RPS6KA5: variants seen among roughly 807,000 people sequenced by gnomAD.
RPS6KA5 encodes the protein ribosomal protein S6 kinase A5.
Under a neutral mutation model 85.5 loss-of-function variants are expected in RPS6KA5, and 27 were observed. The observed-to-expected ratio is 0.32, with a 90% CI of 0.23 to 0.44. RPS6KA5 has a LOEUF of 0.44. Among genes scored for constraint, RPS6KA5 ranks in the 20% least tolerant of loss-of-function variants. The pLI is 1.00. For synonymous variants in RPS6KA5, 334 were observed against 348.2 expected, an observed-to-expected ratio of 0.96 and a Z score of 0.46; for missense variants, 811 against 980.9, an observed-to-expected ratio of 0.83 and a Z score of 2.31.
At chr14:91,005,705 T>C (rs767213134) in intron 1 of RPS6KA5, among the ~76,000 whole-genome samples, 5 of 152,258 alleles carry the variant, frequency 3.3e-5, no homozygotes, top group Non-Finnish European at 7.3e-5. Flanking sequence ...TTAAAGCTTT[T>C]GTGCATGAAA....
intron 1 of RPS6KA5, chr14:91,052,465 T>TA (rs71120103): frequency 0.011 from 1,405 of 132,456 alleles, 5 homozygotes; most frequent in South Asian, 0.031. Context: ...ACTCGTCTCT[T>TA]AAAAAAAAAA....
At chr14:90,948,965 AC>A (rs1052144525) in intron 3 of RPS6KA5, among the ~76,000 whole-genome samples, 1 of 152,256 alleles carries the variant, frequency 6.6e-6, no homozygotes, top group Non-Finnish European at 1.5e-5. Context: ...AAAAGCAGAT[AC>A]AACAGAATTA....
At chr14:90,917,133 CCA>C (rs1178602157) in intron 7 of RPS6KA5, among the ~76,000 whole-genome samples, 1 of 152,028 alleles carries the variant, frequency 6.6e-6, no homozygotes, top group African/African-American at 2.4e-5. Flanking sequence ...AGGACGGTGG[CCA>C]CAGTTTCCTA....
intron 1 of RPS6KA5, among the ~76,000 whole-genome samples, chr14:91,003,160 G>C (rs941860850): frequency 6.6e-6 from 1 of 151,626 alleles, no homozygotes; most frequent in African/African-American, 2.4e-5. Context: ...ATTACTCCTG[G>C]TTCTTACTAT....
rs1391275040 is a variant in RPS6KA5 at position 90,872,134 on chromosome 14, G to C, written c.2349C>G (p.Ser783Arg). ...KTTPTKTLQP[S>R]NPADSNNPET... ...CCGGGTTATTGCTGTCGGCAGGATT[G>C]CTGGGCTGCAGTGTCTTGGTGGGTG... is the stretch of plus-strand genomic sequence containing the variant. Residue 783 changes from serine (S) to arginine (R), a missense_variant, in exon 17 of 17, where the codon AGC (serine) becomes AGG (arginine). This residue lies in a region of RPS6KA5 where 650 missense variants were observed against 793.4 expected (regional missense o/e 0.82). Transcript: ENST00000614987. The C allele has an allele frequency of 2.5e-6, 4 of 1,613,856 alleles. No individual in the cohort carries two copies. The highest frequency in any genetic ancestry group is 2.7e-5 in the African/African-American group (2 of 74,866).
intron 1 of RPS6KA5, among the ~76,000 whole-genome samples, chr14:91,046,192 G>C (rs562465669): frequency 6.6e-6 from 1 of 152,110 alleles, no homozygotes; most frequent in Non-Finnish European, 1.5e-5. Context: ...TACAATAAGC[G>C]TGGCAGCCAG....
At chr14:91,050,241 C>T (rs758626524) in intron 1 of RPS6KA5, among the ~76,000 whole-genome samples, 2 of 151,930 alleles carry the variant, frequency 1.3e-5, no homozygotes, top group Admixed American at 1.3e-4. Flanking sequence ...ATTAGCCAGG[C>T]ATGGTGGTAT....
chr14:90,882,367 C>T (rs1395734251), intron 14 of RPS6KA5, among the ~76,000 whole-genome samples: 1 of 152,172 alleles, frequency 6.6e-6, no homozygotes, highest in Non-Finnish European at 1.5e-5. Context: ...TAAATGCATT[C>T]GTCTCTTATG....
At chr14:91,050,362 G>GA (rs2043023056) in intron 1 of RPS6KA5, among the ~76,000 whole-genome samples, 2 of 48,618 alleles carry the variant, frequency 4.1e-5, no homozygotes, top group South Asian at 1.5e-3. Flanking sequence ...CTGGGCAACA[G>GA]AGAAGACCTT....
intron 1 of RPS6KA5, among the ~76,000 whole-genome samples, chr14:91,045,257 ATTCT>A (rs1348956318): frequency 2.7e-5 from 4 of 145,684 alleles, no homozygotes; most frequent in African/African-American, 1.0e-4. Context: ...AGTTCTGCTG[ATTCT>A]TTTTTTTTTT....
At chr14:90,882,230 GTTTAAC>G (rs1191837229) in intron 14 of RPS6KA5, among the ~76,000 whole-genome samples, 3 of 152,012 alleles carry the variant, frequency 2.0e-5, no homozygotes, top group Admixed American at 1.3e-4. Flanking sequence ...ATTTGTATCA[GTTTAAC>G]TTTAATAATG....
At chr14:90,899,226 T>C (rs1193578413) in intron 12 of RPS6KA5, 103 bp downstream of exon 12, 10 of 750,968 alleles carry the variant, frequency 1.3e-5, no homozygotes. Context: ...TGATGTTCTA[T>C]ATCCCTGACT....
At chr14:90,945,169 C>G (rs928967199) in intron 4 of RPS6KA5, among the ~76,000 whole-genome samples, 8 of 150,246 alleles carry the variant, frequency 5.3e-5, no homozygotes, top group Non-Finnish European at 1.2e-4. Context: ...GGAGGATCAC[C>G]TCAGTCAAGC....
At chr14:90,872,433 T>C (rs907143082) in intron 16 of RPS6KA5, 111 bp from the exon 17 acceptor site, 24 of 1,354,796 alleles carry the variant, frequency 1.8e-5, no homozygotes, top group Non-Finnish European at 2.2e-5. Context: ...CAGCCCCAAG[T>C]TGTTTTAAGG....
At position 90,851,124 on chromosome 14, in the gene RPS6KA5, G is replaced by C. The variant is rs6575163; in HGVS notation, c.*20950C>G. Reference sequence around the variant, plus strand: ...GTGATCTCGGCTCACTGCAAGCTCCGCCTCCCGGGTTCATGCCATTCTCCT... The same window carrying C: ...GTGATCTCGGCTCACTGCAAGCTCCCCCTCCCGGGTTCATGCCATTCTCCT... On this transcript the variant is annotated 3_prime_UTR_variant, in exon 17 of 17. Coordinates refer to ENST00000614987, the MANE Select transcript of RPS6KA5 (RefSeq NM_004755.4). 1 of 151,778 alleles carries C rather than the reference G, an allele frequency of 6.6e-6. No homozygotes were observed. The highest frequency in any genetic ancestry group is 6.6e-5 in the Admixed American group (1 of 15,202). 9.4% of individuals were successfully genotyped at this position (151,778 alleles called of 1,614,324 possible).
chr14:90,937,205 AG>A (rs962599121), intron 5 of RPS6KA5, among the ~76,000 whole-genome samples: 13 of 152,088 alleles, frequency 8.5e-5, no homozygotes, highest in African/African-American at 2.9e-4. Flanking sequence ...AGTCAAATAA[AG>A]TAACTAAAAA....
rs147818922 is a variant in RPS6KA5 at position 90,855,689 on chromosome 14, G to T, written c.*16385C>A. ...GTGGCGCGATCTCGGCTCACTGCAAGCTCTGCCTCCTAGGTTCACGCCATT... is the reference window on the plus strand; with the variant it reads ...GTGGCGCGATCTCGGCTCACTGCAATCTCTGCCTCCTAGGTTCACGCCATT... On this transcript the variant is annotated 3_prime_UTR_variant, in exon 17 of 17. Coordinates refer to ENST00000614987, the MANE Select transcript of RPS6KA5 (RefSeq NM_004755.4). 0.044 allele frequency: 6,602 copies of T among 151,428 alleles called. 326 individuals are homozygous for T. Among genetic ancestry groups the T allele is most frequent in the African/African-American group, 0.13 (5,323 of 41,102 alleles). The allele number at this position is 151,428 out of a possible 1,614,324, so 9.4% of individuals were successfully genotyped here.
chr14:90,930,043 T>A (rs1263428205), intron 5 of RPS6KA5, among the ~76,000 whole-genome samples: 3 of 152,156 alleles, frequency 2.0e-5, no homozygotes, highest in Non-Finnish European at 4.4e-5. Context: ...ACTAATTTTT[T>A]AAATATTTTG....
At chr14:90,907,439 A>G (rs975305171) in intron 7 of RPS6KA5, among the ~76,000 whole-genome samples, 1 of 152,230 alleles carries the variant, frequency 6.6e-6, no homozygotes, top group Non-Finnish European at 1.5e-5. Flanking sequence ...TGATGCTTAA[A>G]TAAGACCTGT....
Sources: allele counts gnomAD v4.1 joint callset (sites outside exome capture counted in the v4.1 genomes callset), GRCh38; gene constraint gnomAD v4.1.1; regional missense constraint gnomAD v4.1.1; transcripts MANE v1.5; gene names NCBI Gene and HGNC (gene_info 2026-07-23, HGNC 2026-07-21).